WWOX: variants seen among roughly 807,000 people sequenced by gnomAD.
WWOX encodes the protein WW domain containing oxidoreductase.
A neutral mutation model predicts 46.2 loss-of-function variants in WWOX; 69 were observed. The ratio of observed to expected loss-of-function variants is 1.49; its 90% CI spans 1.23 to 1.82. The LOEUF is 1.82. Ranked by LOEUF, WWOX falls within the 40% of genes most tolerant of loss-of-function variation. The probability of loss-of-function intolerance (pLI) is 0.00; values close to 1 mark genes in which losing one functional copy is unlikely to be tolerated. For synonymous variants in WWOX, 359 were observed against 202.6 expected (o/e 1.77, Z -6.56); for missense variants, 919 against 542.6 (o/e 1.69, Z -6.89).
rs76336983 is a variant in WWOX at position 78,411,045 on chromosome 16, G to C, written c.606-13825G>C. ...CTTCCATTGGATTGAGTAAGCAAGA[G>C]AGCAAGAACAGGAGTGATACAGAAG... On this transcript the variant is annotated intron_variant, in intron 6 of 8. Coordinates refer to ENST00000566780, the MANE Select transcript of WWOX (RefSeq NM_016373.4). Among the ~76,000 whole-genome samples the C allele has an allele frequency of 6.6e-3, 1,000 of 152,252 alleles. 5 individuals are homozygous for C. Among genetic ancestry groups the C allele is most frequent in the Admixed American group, 0.011 (170 of 15,302 alleles).
At chr16:79,137,559 T>C (rs929320127) in intron 8 of WWOX, among the ~76,000 whole-genome samples, 3 of 152,200 alleles carry the variant, frequency 2.0e-5, no homozygotes, top group Non-Finnish European at 4.4e-5. Context: ...GTGGAATTTT[T>C]AGAGAGTGTT....
intron 8 of WWOX, among the ~76,000 whole-genome samples, chr16:78,719,691 T>C (rs76972627): frequency 0.056 from 8,569 of 152,244 alleles, 425 homozygotes; most frequent in Non-Finnish European, 0.072. Flanking sequence ...ACTTATTTCC[T>C]CTGAAATGTA....
At chr16:78,498,156 G>C (rs1426932266) in intron 8 of WWOX, among the ~76,000 whole-genome samples, 3 of 133,010 alleles carry the variant, frequency 2.3e-5, no homozygotes, top group Non-Finnish European at 4.6e-5. Flanking sequence ...AGTGAGCCGA[G>C]ATTGTGCCAC....
At chr16:78,803,726 A>C (rs970270113) in intron 8 of WWOX, among the ~76,000 whole-genome samples, 17 of 152,182 alleles carry the variant, frequency 1.1e-4, no homozygotes, top group South Asian at 1.0e-3. Flanking sequence ...CCCAAAGTGC[A>C]GGCATTTTAG....
intron 8 of WWOX, among the ~76,000 whole-genome samples, chr16:78,698,408 C>A (rs941183597): frequency 1.3e-5 from 2 of 152,334 alleles, no homozygotes; most frequent in South Asian, 4.1e-4. Flanking sequence ...AATTAAAATT[C>A]ATTTCATTCG....
chr16:78,711,067 A>T (rs1477441415), intron 8 of WWOX, among the ~76,000 whole-genome samples: 2 of 152,196 alleles, frequency 1.3e-5, no homozygotes, highest in Admixed American at 6.5e-5. Flanking sequence ...TAGAAAGTGG[A>T]GGGTGTAAGT....
intron 5 of WWOX, among the ~76,000 whole-genome samples, chr16:78,253,644 G>T (rs914252492): frequency 1.3e-5 from 2 of 152,006 alleles, no homozygotes; most frequent in Non-Finnish European, 2.9e-5. Flanking sequence ...GATTCAAATG[G>T]GTGTTCCAAA....
At chr16:78,684,735 T>G (rs2047815577) in intron 8 of WWOX, among the ~76,000 whole-genome samples, 1 of 152,158 alleles carries the variant, frequency 6.6e-6, no homozygotes, top group Admixed American at 6.5e-5. Flanking sequence ...TACTTTTTAG[T>G]GGGACGCATC....
At chr16:78,155,259 A>T (rs2034559447) in intron 4 of WWOX, among the ~76,000 whole-genome samples, 1 of 151,890 alleles carries the variant, frequency 6.6e-6, no homozygotes, top group Admixed American at 6.6e-5. Context: ...GAAGGAAAGA[A>T]AAGGAAGGAA....
intron 4 of WWOX, among the ~76,000 whole-genome samples, chr16:78,138,583 C>G (rs1299561174): frequency 4.6e-5 from 7 of 152,314 alleles, no homozygotes; most frequent in Non-Finnish European, 1.0e-4. Flanking sequence ...GAATGAAAGT[C>G]CGATAAGAAT....
chr16:78,996,380 CCG>C (rs201281279), intron 8 of WWOX: 26,824 of 540,956 alleles, frequency 0.05, 50 homozygotes, highest in East Asian at 0.093. Flanking sequence ...GCACCCACCC[CCG>C]CCCCCCAGCT....
intron 8 of WWOX, among the ~76,000 whole-genome samples, chr16:79,184,181 T>A (rs1320004607): frequency 6.6e-6 from 1 of 152,224 alleles, no homozygotes; most frequent in South Asian, 2.1e-4. Context: ...AACTGTTGAA[T>A]TGACTAATTC....
chr16:78,366,975 T>A (rs1358205401), intron 5 of WWOX, among the ~76,000 whole-genome samples: 88 of 48,426 alleles, frequency 1.8e-3, no homozygotes, highest in Middle Eastern at 0.026. Flanking sequence ...TTACATTTTT[T>A]TTTTTTTTTT....
intron 6 of WWOX, 83 bp downstream of exon 6, chr16:78,387,031 C>T (rs1051548952): frequency 2.9e-6 from 4 of 1,393,054 alleles, no homozygotes; most frequent in East Asian, 2.3e-5. Context: ...TGGGAGAATG[C>T]AAGGCTGTTG....
chr16:79,071,434 C>A (rs1318377844), intron 8 of WWOX, among the ~76,000 whole-genome samples: 1 of 152,182 alleles, frequency 6.6e-6, no homozygotes, highest in Non-Finnish European at 1.5e-5. Flanking sequence ...TCTCTTAGAG[C>A]CCTGTTACCC....
chr16:78,614,749 C>T (rs552477513), intron 8 of WWOX, among the ~76,000 whole-genome samples: 2 of 152,296 alleles, frequency 1.3e-5, no homozygotes, highest in African/African-American at 2.4e-5. Flanking sequence ...TTTATGTACA[C>T]TCCAGAAATA....
At chr16:79,211,565 CTTT>C (rs754929846) in intron 8 of WWOX, 40 bp from the exon 9 acceptor site, 107 of 1,613,534 alleles carry the variant, frequency 6.6e-5, no homozygotes, top group Admixed American at 1.2e-4. Flanking sequence ...CTCATCACTC[CTTT>C]TCTTAAAATT....
intron 8 of WWOX, among the ~76,000 whole-genome samples, chr16:78,684,350 C>T (rs1188622197): frequency 6.6e-6 from 1 of 152,166 alleles, no homozygotes; most frequent in Non-Finnish European, 1.5e-5. Flanking sequence ...GTAGAAGGAC[C>T]TATGAACCAT....
intron 5 of WWOX, among the ~76,000 whole-genome samples, chr16:78,363,893 G>A (rs954150112): frequency 5.9e-5 from 9 of 152,196 alleles, no homozygotes; most frequent in African/African-American, 1.7e-4. Context: ...GCCCAGCATG[G>A]AGACCCCAGG....
Sources: allele counts gnomAD v4.1 joint callset (sites outside exome capture counted in the v4.1 genomes callset), GRCh38; gene constraint gnomAD v4.1.1; transcripts MANE v1.5; gene names NCBI Gene and HGNC (gene_info 2026-07-23, HGNC 2026-07-21).